The following GPC6 variants were observed in gnomAD, a reference collection of about 807,000 sequenced individuals.
The protein encoded by GPC6 is glypican-6.
GPC6 carries 14 observed loss-of-function variants against 55.2 expected under a neutral mutation model. That is an observed-to-expected ratio of 0.25 (90% CI 0.17 to 0.40). The LOEUF (loss-of-function observed/expected upper bound fraction) is 0.40, where lower values mean the gene tolerates loss of function less well. Among genes scored for constraint, GPC6 ranks in the 10% least tolerant of loss-of-function variants. The pLI, the probability that GPC6 is intolerant of heterozygous loss-of-function variation, is 1.00. For synonymous variants in GPC6, 278 were observed against 259.6 expected (o/e 1.07, Z -0.68); for missense variants, 641 against 708.5 (o/e 0.90, Z 1.08).
chr13:93,482,112 G>A (rs1194281786), intron 1 of GPC6, among the ~76,000 whole-genome samples: 5 of 151,970 alleles, frequency 3.3e-5, no homozygotes, highest in Admixed American at 6.6e-5. Context: ...TTCAGCGTAC[G>A]CCTCTTACAC....
intron 4 of GPC6, among the ~76,000 whole-genome samples, chr13:94,179,723 G>A (rs1387454169): frequency 6.6e-6 from 1 of 152,156 alleles, no homozygotes; most frequent in East Asian, 1.9e-4. Flanking sequence ...AGCACAACAG[G>A]AGGAAAATTT....
At chr13:93,738,783 T>C (rs567004806) in intron 2 of GPC6, among the ~76,000 whole-genome samples, 5 of 152,164 alleles carry the variant, frequency 3.3e-5, no homozygotes, top group African/African-American at 1.2e-4. Flanking sequence ...ATTCTGATAC[T>C]TTATGAAAGG....
At chr13:94,372,053 C>T (rs1018595959) in intron 6 of GPC6, among the ~76,000 whole-genome samples, 1 of 152,018 alleles carries the variant, frequency 6.6e-6, no homozygotes, top group African/African-American at 2.4e-5. Context: ...CTTTCTCTTC[C>T]TTCTTTCCTT....
At chr13:93,595,662 T>C (rs1311237222) in intron 2 of GPC6, among the ~76,000 whole-genome samples, 1 of 152,134 alleles carries the variant, frequency 6.6e-6, no homozygotes, top group Non-Finnish European at 1.5e-5. Flanking sequence ...TGATTGTACA[T>C]AAAAAGATGA....
At chr13:94,272,972 C>A (rs1892093848) in intron 4 of GPC6, among the ~76,000 whole-genome samples, 1 of 152,070 alleles carries the variant, frequency 6.6e-6, no homozygotes. Context: ...GACACAGCCC[C>A]CTCTCAGTAA....
intron 3 of GPC6, among the ~76,000 whole-genome samples, chr13:94,012,080 G>C (rs1286654253): frequency 6.6e-6 from 1 of 151,976 alleles, no homozygotes; most frequent in Non-Finnish European, 1.5e-5. Flanking sequence ...ATTCTTGAAG[G>C]GTAGAGACAC....
chr13:93,965,102 G>GTTTTTTTTTTTTTTTTTT (rs199810123), intron 3 of GPC6, among the ~76,000 whole-genome samples: 3 of 113,308 alleles, frequency 2.6e-5, no homozygotes, highest in African/African-American at 3.4e-5. Context: ...AACACTATGA[G>GTTTTTTTTTTTTTTTTTT]TTTGTTTTTT....
At chr13:94,099,382 C>T (rs963715397) in intron 4 of GPC6, among the ~76,000 whole-genome samples, 11 of 152,154 alleles carry the variant, frequency 7.2e-5, no homozygotes, top group Middle Eastern at 3.4e-3. Flanking sequence ...TGCACATTCA[C>T]GGGTATTTTG....
intron 2 of GPC6, among the ~76,000 whole-genome samples, chr13:93,566,168 T>C (rs1876106073): frequency 6.6e-6 from 1 of 152,146 alleles, no homozygotes; most frequent in Admixed American, 6.5e-5. Context: ...GCTGTAAAAT[T>C]TTTATGTTTC....
chr13:93,783,563 GATCTATCTATCTGTCTATCTATCTATCT>G (rs1566533429), intron 2 of GPC6, among the ~76,000 whole-genome samples: 1 of 138,650 alleles, frequency 7.2e-6, no homozygotes, highest in Non-Finnish European at 1.5e-5. Context: ...GTGGTTTTGA[GATCTATCTATCTGTCTATCTATCTATCT>G]ATCTATCTAT....
chr13:94,363,826 T>C (rs9524461), intron 6 of GPC6, among the ~76,000 whole-genome samples: 1,753 of 152,312 alleles, frequency 0.012, 17 homozygotes, highest in Middle Eastern at 0.027. Flanking sequence ...TGTGTGACTA[T>C]TGAGCAATGG....
chr13:93,646,915 C>G (rs1389829289), intron 2 of GPC6, among the ~76,000 whole-genome samples: 4 of 150,476 alleles, frequency 2.7e-5, no homozygotes, highest in Non-Finnish European at 5.9e-5. Context: ...AGAAGTGAAA[C>G]CTTCCTTGAC....
chr13:93,647,425 G>A (rs981135166), intron 2 of GPC6, among the ~76,000 whole-genome samples: 4 of 152,140 alleles, frequency 2.6e-5, no homozygotes, highest in Non-Finnish European at 4.4e-5. Context: ...TATGGCACAA[G>A]GTGGAAAGTG....
chr13:94,016,421 A>G lies in GPC6; in HGVS notation c.712-11308A>G, dbSNP rs142016643. ...GAAGCATTGTTTTCAATGTTCTCTGAGAACCTGTTTTCAATTTTTTGGAAT... is the reference window on the plus strand; with the variant it reads ...GAAGCATTGTTTTCAATGTTCTCTGGGAACCTGTTTTCAATTTTTTGGAAT... On this transcript the variant is annotated intron_variant, in intron 3 of 8. Transcript: ENST00000377047. 2.8e-3 allele frequency among the ~76,000 whole-genome samples: 434 copies of G among 152,292 alleles called. 4 individuals are homozygous for G. Among genetic ancestry groups the G allele is most frequent in the African/African-American group, 0.01 (425 of 41,570 alleles).
At chr13:94,299,125 A>G (rs1447865790) in intron 5 of GPC6, among the ~76,000 whole-genome samples, 2 of 152,250 alleles carry the variant, frequency 1.3e-5, no homozygotes, top group African/African-American at 4.8e-5. Flanking sequence ...AACAAAATGT[A>G]TGAAAACCTA....
intron 2 of GPC6, among the ~76,000 whole-genome samples, chr13:93,657,232 G>A (rs1880713561): frequency 6.6e-6 from 1 of 151,988 alleles, no homozygotes; most frequent in African/African-American, 2.4e-5. Context: ...AAACAGCATG[G>A]TACTGGTTCA....
chr13:94,094,753 AC>A (rs1218572536), intron 4 of GPC6, among the ~76,000 whole-genome samples: 1 of 152,138 alleles, frequency 6.6e-6, no homozygotes, highest in African/African-American at 2.4e-5. Context: ...CATACAGATT[AC>A]TTTTTCCTTC....
intron 2 of GPC6, among the ~76,000 whole-genome samples, chr13:93,701,947 G>C (rs1882684106): frequency 6.6e-6 from 1 of 151,928 alleles, no homozygotes; most frequent in Non-Finnish European, 1.5e-5. Context: ...ATCAGGGTTG[G>C]AATCAACTTT....
At chr13:93,992,417 T>G (rs1352848775) in intron 3 of GPC6, among the ~76,000 whole-genome samples, 1 of 152,180 alleles carries the variant, frequency 6.6e-6, no homozygotes, top group East Asian at 1.9e-4. Context: ...ATTAGGTCAA[T>G]TTAATTGTGT....
Sources: gnomAD v4.1 joint callset for allele counts (sites outside exome capture counted in the v4.1 genomes callset) on GRCh38, gnomAD v4.1.1 for gene constraint, MANE v1.5 for transcripts, NCBI Gene and HGNC (gene_info 2026-07-23, HGNC 2026-07-21) for gene names.